PPP1R12B: variants seen among roughly 807,000 people sequenced by gnomAD.
PPP1R12B encodes the protein myosin phosphatase target subunit 2.
Under a neutral mutation model 126.1 loss-of-function variants are expected in PPP1R12B, and 76 were observed. The observed-to-expected ratio is 0.60, with a 90% confidence interval of 0.50 to 0.73. PPP1R12B has a LOEUF of 0.73. PPP1R12B is among the 30% of genes least tolerant of loss of function. PPP1R12B has a pLI of 0.00. For synonymous variants in PPP1R12B, 356 were observed against 434.7 expected (o/e 0.82, Z 2.25); for missense variants, 1,052 against 1,205.1 (o/e 0.87, Z 1.88).
chr1:202,468,554 C>T (rs1357756066), intron 13 of PPP1R12B, among the ~76,000 whole-genome samples: 2 of 152,200 alleles, frequency 1.3e-5, no homozygotes, highest in East Asian at 3.8e-4. Flanking sequence ...CCAGAGCTAT[C>T]TCTTTGTGGC....
intron 1 of PPP1R12B, among the ~76,000 whole-genome samples, chr1:202,377,682 G>T (rs1661423647): frequency 6.6e-6 from 1 of 152,098 alleles, no homozygotes; most frequent in Non-Finnish European, 1.5e-5. Flanking sequence ...GATGAGTTAA[G>T]ATGTACAGTA....
chr1:202,428,550 C>T, intron 5 of PPP1R12B: 1 of 273,854 alleles, frequency 3.7e-6, no homozygotes, highest in South Asian at 5.7e-5. Flanking sequence ...CAATTAAGAC[C>T]ATTTTAGAAC....
chr1:202,438,309 A>C, intron 10 of PPP1R12B: 1 of 1,475,494 alleles, frequency 6.8e-7, no homozygotes, highest in Non-Finnish European at 9.2e-7. Context: ...GATCAGCAAC[A>C]TAAAAATTTC....
At position 202,366,069 on chromosome 1, in the gene PPP1R12B, A is replaced by G. The variant is rs538814366; in HGVS notation, c.291+16927A>G. Among the ~76,000 whole-genome samples the G allele has an allele frequency of 2.0e-5, 3 of 152,250 alleles. No individual in the cohort carries two copies. The East Asian group carries it at 5.8e-4, about 29-fold the overall frequency. The stretch of plus-strand genomic sequence containing the variant: ...AGGATTCTTTTAGCATTCCATTACT[A>G]CTGAGATTTTTATATTATCAGAATT... On this transcript the variant is annotated intron_variant, in intron 1 of 23. Transcript: ENST00000608999.
chr1:202,348,893 G>C lies in PPP1R12B; in HGVS notation c.42G>C (p.Ser14=). The C allele has an allele frequency of 1.2e-6, 2 of 1,610,834 alleles. No homozygotes were observed. The highest frequency in any genetic ancestry group is 1.7e-6 in the Non-Finnish European group (2 of 1,179,310). Residue 14 remains serine, a synonymous_variant, in exon 1 of 24, where the codon TCG becomes TCC. Coordinates refer to ENST00000608999, the MANE Select transcript of PPP1R12B (RefSeq NM_002481.4). ...LEHLGGKRAE[S]ARMRRAEQLR... ...ACCTAGGAGGGAAGCGGGCAGAGTC[G>C]GCGCGAATGCGGCGGGCAGAGCAGC...
At chr1:202,429,924 A>C (rs1223890837) in intron 6 of PPP1R12B, among the ~76,000 whole-genome samples, 1 of 152,194 alleles carries the variant, frequency 6.6e-6, no homozygotes. Flanking sequence ...GCTCAGTGGA[A>C]AAGTCACATA....
chr1:202,467,959 T>A (rs1282536532), intron 13 of PPP1R12B, among the ~76,000 whole-genome samples: 1 of 152,220 alleles, frequency 6.6e-6, no homozygotes, highest in Non-Finnish European at 1.5e-5. Flanking sequence ...TTGATTTGCA[T>A]TTCTCTGATG....
intron 1 of PPP1R12B, among the ~76,000 whole-genome samples, chr1:202,374,651 G>A (rs1660866122): frequency 1.3e-5 from 2 of 150,800 alleles, no homozygotes; most frequent in Non-Finnish European, 1.5e-5. Context: ...GGTGCATGCC[G>A]CCACGCCCAG....
chr1:202,485,593 T>C (rs1199595470), intron 13 of PPP1R12B, among the ~76,000 whole-genome samples: 1 of 152,066 alleles, frequency 6.6e-6, no homozygotes, highest in Non-Finnish European at 1.5e-5. Context: ...GTTTTTCCCT[T>C]AAGAAGCCCC....
intron 13 of PPP1R12B, among the ~76,000 whole-genome samples, chr1:202,483,960 A>G (rs1475502879): frequency 6.6e-6 from 1 of 152,164 alleles, no homozygotes; most frequent in Admixed American, 6.5e-5. Context: ...TTTGCATGGA[A>G]TATCTTTTTC....
chr1:202,561,132 A>G (rs959589774), intron 19 of PPP1R12B, among the ~76,000 whole-genome samples: 3 of 151,814 alleles, frequency 2.0e-5, no homozygotes, highest in African/African-American at 7.2e-5. Context: ...TTCAGAAACA[A>G]AAAAAAAGAA....
chr1:202,562,677 A>G, intron 19 of PPP1R12B, 101 bp from the exon 20 acceptor site: 1 of 1,327,704 alleles, frequency 7.5e-7, no homozygotes, highest in Non-Finnish European at 1.1e-6. Flanking sequence ...CAGGGCTCCG[A>G]AATACTTCTT....
At position 202,480,846 on chromosome 1, in the gene PPP1R12B, A is replaced by G. The variant is rs185975071; in HGVS notation, c.1851-7687A>G. On this transcript the variant is annotated intron_variant, in intron 13 of 23. Coordinates refer to ENST00000608999, the MANE Select transcript of PPP1R12B (RefSeq NM_002481.4). ...ACTAAGAAGATTCTTTGAAAGTACA[A>G]GATAGACCAAAGGATTTCAATGTAA... Among the ~76,000 whole-genome samples, 417 of 152,346 alleles carry G rather than the reference A, an allele frequency of 2.7e-3. 1 individual carries two copies. The highest frequency in any genetic ancestry group is 9.8e-3 in the African/African-American group (407 of 41,580).
chr1:202,502,017 T>C (rs2148874116), intron 18 of PPP1R12B: 1 of 985,008 alleles, frequency 1.0e-6, no homozygotes, highest in Non-Finnish European at 1.2e-6. Context: ...TGGGTAGTTA[T>C]GTATGTCAGG....
chr1:202,571,920 A>G (rs901962674), intron 23 of PPP1R12B, among the ~76,000 whole-genome samples: 2 of 152,242 alleles, frequency 1.3e-5, no homozygotes, highest in Non-Finnish European at 2.9e-5. Flanking sequence ...CAGATCGTCC[A>G]GCACCCCCTA....
rs755584686 is a variant in PPP1R12B at position 202,434,686 on chromosome 1, C to T, written c.1172C>T (p.Ser391Phe). 3.1e-6 allele frequency: 5 copies of T among 1,613,310 alleles called. No individual in the cohort carries two copies. The Admixed American group carries it at 8.4e-5, about 27-fold the overall frequency. Residue 391 changes from serine (S) to phenylalanine (F), a missense_variant, in exon 9 of 24, where the codon TCC (serine) becomes TTC (phenylalanine). By Grantham distance (155) the Ser-to-Phe change is radical. Coordinates refer to ENST00000608999, the MANE Select transcript of PPP1R12B (RefSeq NM_002481.4). ...AAGCCAGAAGCCTTTGTCAATCATT[C>T]CAACTCTGAAAGCAAGAGTAGTATC... is the stretch of plus-strand genomic sequence containing the variant. ...DKKPEAFVNH[S>F]NSESKSSITE...
chr1:202,451,199 T>C (rs543623205), intron 13 of PPP1R12B, among the ~76,000 whole-genome samples: 1 of 151,440 alleles, frequency 6.6e-6, no homozygotes, highest in Non-Finnish European at 1.5e-5. Context: ...TATTGATCAT[T>C]CTTGGGTGTT....
At chr1:202,495,189 T>C (rs761340182) in intron 15 of PPP1R12B, 104 bp from the exon 16 acceptor site, 5 of 937,776 alleles carry the variant, frequency 5.3e-6, no homozygotes, top group Admixed American at 3.2e-5. Flanking sequence ...CATCATCTAC[T>C]CATAAGCCCC....
intron 18 of PPP1R12B, 66 bp from the exon 19 acceptor site, chr1:202,558,811 C>G (rs1214141343): frequency 9.6e-7 from 1 of 1,041,396 alleles, no homozygotes; most frequent in Admixed American, 2.1e-5. Flanking sequence ...ACAAATCAGT[C>G]TCTTGCTAAT....
Sources: gnomAD v4.1 joint callset for allele counts (sites outside exome capture counted in the v4.1 genomes callset) on GRCh38, gnomAD v4.1.1 for gene constraint, MANE v1.5 for transcripts, NCBI Gene and HGNC (gene_info 2026-07-23, HGNC 2026-07-21) for gene names.